The following SPOPL variants were observed in gnomAD, a reference collection of about 807,000 sequenced individuals.
The protein encoded by SPOPL is speckle-type POZ protein-like.
SPOPL carries 23 observed loss-of-function variants against 53.8 expected under a neutral mutation model. That is an observed-to-expected ratio of 0.43 (90% CI 0.31 to 0.61). SPOPL has a LOEUF of 0.61. Ranked by LOEUF, SPOPL falls within the 20% of genes least tolerant of loss-of-function variation. The pLI is 0.12. For synonymous variants in SPOPL, 164 were observed against 149.7 expected (o/e 1.10, Z -0.70); for missense variants, 442 against 466.9 (o/e 0.95, Z 0.49).
intron 5 of SPOPL, 132 bp downstream of exon 5, chr2:138,552,813 T>C: frequency 2.7e-6 from 3 of 1,101,122 alleles, no homozygotes; most frequent in Non-Finnish European, 3.8e-6. Flanking sequence ...AATTCTTGAC[T>C]AGAAAAAGCT....
At chr2:138,563,029 G>A (rs1685583898) in intron 8 of SPOPL, among the ~76,000 whole-genome samples, 1 of 152,100 alleles carries the variant, frequency 6.6e-6, no homozygotes, top group Non-Finnish European at 1.5e-5. Context: ...TTGCACAGCA[G>A]ATATCTAATG....
chr2:138,525,662 A>AAAAAAAAAAAAAAAAC (rs1684656620), intron 1 of SPOPL, among the ~76,000 whole-genome samples: 1 of 104,576 alleles, frequency 9.6e-6, no homozygotes, highest in Non-Finnish European at 2.0e-5. Context: ...AGTAGAAAAA[A>AAAAAAAAAAAAAAAAC]AAAAAAAAAA....
chr2:138,573,539 C>T lies in SPOPL; in HGVS notation c.*4459C>T, dbSNP rs1330068744. ...CCTATCCTGTCTTAATTTCAGTTAT[C>T]CCAGACAATTTAATCATTTGATGCT... is the stretch of plus-strand genomic sequence containing the variant. On this transcript the variant is annotated 3_prime_UTR_variant, in exon 11 of 11. Coordinates refer to ENST00000280098, the MANE Select transcript of SPOPL (RefSeq NM_001001664.3). The T allele has an allele frequency of 6.6e-6, 1 of 152,110 alleles. No individual in the cohort carries two copies. The highest frequency in any genetic ancestry group is 1.9e-4 in the East Asian group (1 of 5,202). 9.4% of individuals were successfully genotyped at this position (152,110 alleles called of 1,614,324 possible).
At chr2:138,519,760 C>G (rs1021482294) in intron 1 of SPOPL, among the ~76,000 whole-genome samples, 2 of 151,974 alleles carry the variant, frequency 1.3e-5, no homozygotes, top group African/African-American at 2.4e-5. Context: ...CCACTGCACT[C>G]CAGCCTGAGT....
At chr2:138,557,771 CTAGT>C (rs148593105) in intron 5 of SPOPL, among the ~76,000 whole-genome samples, 82 of 152,200 alleles carry the variant, frequency 5.4e-4, no homozygotes, top group Middle Eastern at 3.4e-3. Context: ...GAAACATTTA[CTAGT>C]TAAAGTAGTA....
intron 1 of SPOPL, among the ~76,000 whole-genome samples, chr2:138,510,205 G>T (rs917629865): frequency 1.3e-5 from 2 of 152,208 alleles, no homozygotes; most frequent in African/African-American, 4.8e-5. Context: ...TTTTTGTGTA[G>T]ACATAAGTTT....
chr2:138,534,757 C>A (rs1199681976), intron 1 of SPOPL, among the ~76,000 whole-genome samples: 1 of 152,176 alleles, frequency 6.6e-6, no homozygotes, highest in African/African-American at 2.4e-5. Context: ...TAACCAATTA[C>A]TTACCATTTC....
In SPOPL at chr2:138,569,265, A is replaced by G. The variant is rs1363108809; in HGVS notation, c.*185A>G. 1 of 617,806 alleles carries G rather than the reference A, an allele frequency of 1.6e-6. No homozygotes were observed. Among genetic ancestry groups the G allele is most frequent in the Non-Finnish European group, 2.8e-6 (1 of 360,528 alleles). 38.3% of individuals were successfully genotyped at this position (617,806 alleles called of 1,614,324 possible). ...GGTTTATTCTTCAGCTTTAAATTAG[A>G]CTGATTAATTCACTTCAAGGCCTTA... On this transcript the variant is annotated 3_prime_UTR_variant, in exon 11 of 11. Coordinates refer to ENST00000280098, the MANE Select transcript of SPOPL (RefSeq NM_001001664.3).
Position 138,559,174 on chromosome 2 carries a change from T to C in SPOPL, c.633T>C (p.Phe211=), listed in dbSNP as rs200306391. 3.7e-6 allele frequency: 6 copies of C among 1,613,642 alleles called. No homozygotes were observed. In the African/African-American group the frequency reaches 6.7e-5, roughly 18 times the overall value. Residue 211 remains phenylalanine, a synonymous_variant, in exon 6 of 11, where the codon TTT becomes TTC. Coordinates refer to ENST00000280098, the MANE Select transcript of SPOPL (RefSeq NM_001001664.3). ...DCSFFVRGQE[F]KAHKSVLAAR... is the part of the protein sequence containing the mutation. The stretch of plus-strand genomic sequence containing the variant: ...GTTTTTTCGTGAGAGGACAAGAATT[T>C]AAAGCTCATAAATCTGTGCTTGCAG...
chr2:138,566,286 A>G (rs1382426346), intron 10 of SPOPL, among the ~76,000 whole-genome samples: 1 of 152,158 alleles, frequency 6.6e-6, no homozygotes, highest in Admixed American at 6.6e-5. Flanking sequence ...AGTTTAAAGT[A>G]TACTATATTA....
At chr2:138,507,818 T>A (rs1684247543) in intron 1 of SPOPL, among the ~76,000 whole-genome samples, 1 of 152,202 alleles carries the variant, frequency 6.6e-6, no homozygotes, top group South Asian at 2.1e-4. Context: ...AAATATTTCT[T>A]TGTTTTAGTA....
intron 1 of SPOPL, among the ~76,000 whole-genome samples, chr2:138,532,664 G>A (rs1464649092): frequency 3.5e-5 from 5 of 142,596 alleles, no homozygotes; most frequent in Non-Finnish European, 6.0e-5. Flanking sequence ...GGATGGTCTC[G>A]ATCTCCTGAC....
chr2:138,511,359 T>C (rs1168361297), intron 1 of SPOPL, among the ~76,000 whole-genome samples: 1 of 152,218 alleles, frequency 6.6e-6, no homozygotes, highest in African/African-American at 2.4e-5. Flanking sequence ...ATACCAGGTG[T>C]ATTCGCACAT....
rs572046933 is a variant in SPOPL at position 138,510,176 on chromosome 2, A to G, written c.-61+8057A>G. Among the ~76,000 whole-genome samples, 10 of 152,348 alleles carry G rather than the reference A, an allele frequency of 6.6e-5. No homozygotes were observed. The South Asian group carries it at 1.7e-3, about 25-fold the overall frequency. ...TTTGCAGATTATGAGTAAAGCTGCT[A>G]TGAACAACCTTATGCAGGTTTTTGT... On this transcript the variant is annotated intron_variant, in intron 1 of 10. Coordinates refer to ENST00000280098, the MANE Select transcript of SPOPL (RefSeq NM_001001664.3).
At chr2:138,513,883 G>A (rs1296095670) in intron 1 of SPOPL, among the ~76,000 whole-genome samples, 2 of 152,190 alleles carry the variant, frequency 1.3e-5, no homozygotes, top group Non-Finnish European at 2.9e-5. Flanking sequence ...TTAGGGTAGA[G>A]GGAATATGGT....
intron 1 of SPOPL, among the ~76,000 whole-genome samples, chr2:138,530,017 A>G (rs1002000197): frequency 1.3e-5 from 2 of 151,934 alleles, no homozygotes; most frequent in Non-Finnish European, 2.9e-5. Context: ...GTTTCCTGCT[A>G]TGTGTCCATG....
chr2:138,516,991 T>C (rs1266958914), intron 1 of SPOPL, among the ~76,000 whole-genome samples: 3 of 152,208 alleles, frequency 2.0e-5, no homozygotes, highest in Non-Finnish European at 4.4e-5. Flanking sequence ...AAATGTGAAG[T>C]TGTGCCAGTG....
chr2:138,550,082 G>C, intron 1 of SPOPL, 75 bp from the exon 2 acceptor site: 1 of 668,444 alleles, frequency 1.5e-6, no homozygotes, highest in Non-Finnish European at 2.6e-6. Flanking sequence ...TTTCATGTCT[G>C]TTTAAATATG....
chr2:138,502,257 C>G (rs1161674691), intron 1 of SPOPL, 138 bp downstream of exon 1: 1 of 152,502 alleles, frequency 6.6e-6, no homozygotes, highest in Admixed American at 6.5e-5. Flanking sequence ...GACCCCTGCT[C>G]GGGCGGCGAG....
Sources: allele counts gnomAD v4.1 joint callset (sites outside exome capture counted in the v4.1 genomes callset), GRCh38; gene constraint gnomAD v4.1.1; transcripts MANE v1.5; gene names NCBI Gene and HGNC (gene_info 2026-07-23, HGNC 2026-07-21).